PXDNL: variants seen among roughly 807,000 people sequenced by gnomAD.
The protein encoded by PXDNL is probable oxidoreductase PXDNL.
Under a neutral mutation model 150.8 loss-of-function variants are expected in PXDNL, and 145 were observed. The ratio of observed to expected loss-of-function variants is 0.96; its 90% CI spans 0.84 to 1.10. PXDNL has a LOEUF of 1.10. Ranked by LOEUF, PXDNL falls within the 50% of genes least tolerant of loss-of-function variation. The pLI, the probability that PXDNL is intolerant of heterozygous loss-of-function variation, is 0.00. For missense variants in PXDNL, 2,087 were observed against 1,873.9 expected (o/e 1.11, Z -2.10); for synonymous variants, 757 against 725.7 (o/e 1.04, Z -0.69).
intron 1 of PXDNL, among the ~76,000 whole-genome samples, chr8:51,679,237 G>A (rs1454591004): frequency 6.6e-6 from 1 of 152,200 alleles, no homozygotes; most frequent in Non-Finnish European, 1.5e-5. Flanking sequence ...GGCTGTTACA[G>A]TGGAAAGAGT....
chr8:51,545,810 T>G (rs10089190), intron 4 of PXDNL, among the ~76,000 whole-genome samples: 29,774 of 152,218 alleles, frequency 0.2, 3,568 homozygotes, highest in African/African-American at 0.32. Context: ...TCTTAATATT[T>G]CTACAAGGCA....
rs1366678648 is a variant in PXDNL at position 51,429,882 on chromosome 8, C to G, written c.1526-3124G>C. The stretch of plus-strand genomic sequence containing the variant: ...GTTCCTCTGTTGGAATCTTATTTTT[C>G]TTATGTATTTAAATCACATGGTATA... On this transcript the variant is annotated intron_variant, in intron 12 of 22. Transcript: ENST00000356297. Among the ~76,000 whole-genome samples, 3 of 151,978 alleles carry G rather than the reference C, an allele frequency of 2.0e-5. No homozygotes were observed. In the East Asian group the frequency reaches 5.8e-4, roughly 29 times the overall value.
rs76849784 is a variant in PXDNL, at chr8:51,727,278, C to A, written c.165-72518G>T. Among the ~76,000 whole-genome samples, 547 of 152,238 alleles carry A rather than the reference C, an allele frequency of 3.6e-3. 5 individuals are homozygous for A. The highest frequency in any genetic ancestry group is 0.013 in the African/African-American group (520 of 41,538). On this transcript the variant is annotated intron_variant, in intron 1 of 22. Transcript: ENST00000356297. ...TTTGTTTTGTAATTTTGCTTTTAATCTATAGTATCATTTTACAATTACATA... is the reference window on the plus strand; with the variant it reads ...TTTGTTTTGTAATTTTGCTTTTAATATATAGTATCATTTTACAATTACATA...
chr8:51,641,877 A>T (rs1264926570), intron 2 of PXDNL, among the ~76,000 whole-genome samples: 4 of 152,248 alleles, frequency 2.6e-5, no homozygotes, highest in Admixed American at 2.6e-4. Context: ...AAGGACTATA[A>T]ATCATGCTGC....
intron 17 of PXDNL, among the ~76,000 whole-genome samples, chr8:51,375,479 A>G (rs1471773471): frequency 1.3e-5 from 2 of 152,204 alleles, no homozygotes; most frequent in African/African-American, 2.4e-5. Context: ...CATACATATG[A>G]TTCTCTAAAC....
intron 4 of PXDNL, among the ~76,000 whole-genome samples, chr8:51,537,817 T>C (rs1295290456): frequency 6.6e-6 from 1 of 152,160 alleles, no homozygotes; most frequent in Non-Finnish European, 1.5e-5. Context: ...CCTATTTTTT[T>C]CATGCGGTGC....
chr8:51,387,024 C>T (rs1394798619), intron 17 of PXDNL, among the ~76,000 whole-genome samples: 1 of 152,170 alleles, frequency 6.6e-6, no homozygotes, highest in African/African-American at 2.4e-5. Context: ...AGCTTCTCCA[C>T]TCAAATCTGA....
intron 1 of PXDNL, among the ~76,000 whole-genome samples, chr8:51,681,014 GT>G (rs1237419184): frequency 6.6e-6 from 1 of 152,122 alleles, no homozygotes; most frequent in Non-Finnish European, 1.5e-5. Context: ...GACACATGTG[GT>G]TTTTCGTGCA....
chr8:51,333,738 A>C (rs796083009), intron 21 of PXDNL, among the ~76,000 whole-genome samples: 5 of 152,334 alleles, frequency 3.3e-5, no homozygotes, highest in African/African-American at 1.2e-4. Flanking sequence ...ATTATATAAC[A>C]GTAAAAGGCC....
intron 2 of PXDNL, among the ~76,000 whole-genome samples, chr8:51,641,749 C>G (rs1814761035): frequency 6.6e-6 from 1 of 152,140 alleles, no homozygotes; most frequent in African/African-American, 2.4e-5. Context: ...CACTTTTACA[C>G]TCTTGGTGGG....
chr8:51,747,582 C>T (rs2036998762), intron 1 of PXDNL, among the ~76,000 whole-genome samples: 1 of 152,136 alleles, frequency 6.6e-6, no homozygotes, highest in Non-Finnish European at 1.5e-5. Flanking sequence ...CAAGTTGATG[C>T]CGTTTTTTTG....
rs753965255 is a variant in PXDNL, at chr8:51,532,850, T to TGAGGTACCATACTAACTCCCAA, written c.380+23968_380+23989dup. ...AAGCTTTGTTCTCAGATGTAATCAT[T>TGAGGTACCATACTAACTCCCAA]GAGGTACCATACTAACTCCCAAATG... On this transcript the variant is annotated intron_variant, in intron 4 of 22. Transcript: ENST00000356297. Among the ~76,000 whole-genome samples, 295 of 152,328 alleles carry TGAGGTACCATACTAACTCCCAA rather than the reference T, an allele frequency of 1.9e-3. 1 individual carries two copies. Among genetic ancestry groups the TGAGGTACCATACTAACTCCCAA allele is most frequent in the Middle Eastern group, 6.8e-3 (2 of 294 alleles).
In PXDNL at chr8:51,394,744, C is replaced by A. The variant is rs12680679; in HGVS notation, c.3557+13323G>T. On this transcript the variant is annotated intron_variant, in intron 17 of 22. Coordinates refer to ENST00000356297, the MANE Select transcript of PXDNL (RefSeq NM_144651.5). ...GGCATCTTGACCTGAAGGATGTTCA[C>A]TCTAACTAGCATTCATAGTGCCCTC... 1.1e-4 allele frequency among the ~76,000 whole-genome samples: 16 copies of A among 152,336 alleles called. No homozygotes were observed. In the East Asian group the frequency reaches 2.9e-3, roughly 28 times the overall value.
chr8:51,525,117 A>AC (rs1421519424), intron 4 of PXDNL, among the ~76,000 whole-genome samples: 1 of 146,352 alleles, frequency 6.8e-6, no homozygotes, highest in African/African-American at 2.6e-5. Context: ...TGTCACCTTT[A>AC]TTTAAAAAAA....
At chr8:51,641,323 G>A (rs1814749423) in intron 2 of PXDNL, among the ~76,000 whole-genome samples, 2 of 150,268 alleles carry the variant, frequency 1.3e-5, no homozygotes, top group Non-Finnish European at 2.9e-5. Context: ...AACACCAAAG[G>A]CAATGGCAAC....
At chr8:51,621,341 C>T (rs1814247047) in intron 2 of PXDNL, among the ~76,000 whole-genome samples, 2 of 151,846 alleles carry the variant, frequency 1.3e-5, no homozygotes, top group Admixed American at 6.6e-5. Flanking sequence ...AACTATAGAG[C>T]ACTTAAAATA....
At chr8:51,674,666 A>G (rs1815570186) in intron 1 of PXDNL, among the ~76,000 whole-genome samples, 1 of 152,240 alleles carries the variant, frequency 6.6e-6, no homozygotes, top group African/African-American at 2.4e-5. Flanking sequence ...GCTGAGGAGC[A>G]TGGACCTGAG....
chr8:51,638,686 C>T (rs1419428155), intron 2 of PXDNL, among the ~76,000 whole-genome samples: 4 of 152,142 alleles, frequency 2.6e-5, no homozygotes, highest in Non-Finnish European at 5.9e-5. Context: ...TACAGGAGCA[C>T]CCAGATTCAT....
intron 21 of PXDNL, among the ~76,000 whole-genome samples, chr8:51,334,971 A>G (rs67134977): frequency 0.22 from 33,698 of 152,102 alleles, 3,842 homozygotes; most frequent in Middle Eastern, 0.29. Context: ...TTCACTTTCT[A>G]TAATTGTTAT....
Sources: gnomAD v4.1 joint callset for allele counts (sites outside exome capture counted in the v4.1 genomes callset) on GRCh38, gnomAD v4.1.1 for gene constraint, MANE v1.5 for transcripts, NCBI Gene and HGNC (gene_info 2026-07-23, HGNC 2026-07-21) for gene names.